Variants in ADH1B observed in about 807,000 individuals in gnomAD.
The protein encoded by ADH1B is alcohol dehydrogenase 1B (class I), beta polypeptide, also known as all-trans-retinol dehydrogenase [NAD(+)] ADH1B.
Under a neutral mutation model 34.6 loss-of-function variants are expected in ADH1B, and 29 were observed. The observed-to-expected ratio is 0.84, with a 90% CI of 0.62 to 1.14. ADH1B has a LOEUF of 1.14. Ranked by LOEUF, ADH1B falls within the 50% of genes most tolerant of loss-of-function variation. The pLI is 0.00. For missense variants in ADH1B, 424 were observed against 468.4 expected (o/e 0.91, Z 0.87); for synonymous variants, 170 against 175.5 (o/e 0.97, Z 0.25).
rs1301497066 is a variant in ADH1B at position 99,318,155 on chromosome 4, A to T, written c.150T>A (p.Asp50Glu). Residue 50 changes from aspartate to glutamate, a missense_variant, in exon 3 of 9, where the codon GAT becomes GAA. Physicochemically the swap from Asp to Glu is conservative, Grantham distance 45 (BLOSUM62 2). Coordinates refer to ENST00000305046, the MANE Select transcript of ADH1B (RefSeq NM_000668.6). Reference protein sequence around the residue: ...KMVAVGICHTDDHVVSGNLVT... With the variant: ...KMVAVGICHTEDHVVSGNLVT... ...CCAGGTTGCCACTAACCACGTGGTCATCTGTGTGACAGATTCCTACAGCCA... is the reference window on the plus strand; with the variant it reads ...CCAGGTTGCCACTAACCACGTGGTCTTCTGTGTGACAGATTCCTACAGCCA... 1.9e-6 allele frequency: 3 copies of T among 1,614,172 alleles called. No individual in the cohort carries two copies. The highest frequency in any genetic ancestry group is 2.7e-5 in the African/African-American group (2 of 75,058).
rs1375666193 is a variant in ADH1B at position 99,305,559 on chromosome 4, G to C, written c.*2281C>G. The C allele has an allele frequency of 2.3e-5, 1 of 43,078 alleles. No individual in the cohort carries two copies. The highest frequency in any genetic ancestry group is 4.0e-5 in the Non-Finnish European group (1 of 25,020). The allele number at this position is 43,078 out of a possible 1,614,324, so 2.7% of individuals were successfully genotyped here. On this transcript the variant is annotated 3_prime_UTR_variant, in exon 9 of 9. Coordinates refer to ENST00000305046, the MANE Select transcript of ADH1B (RefSeq NM_000668.6). ...AACTATATGAACCACTTGCCCCATA[G>C]TGTATATATATATATATATATATAT...
intron 4 of ADH1B, 48 bp downstream of exon 4, chr4:99,316,167 G>A (rs772986488): frequency 6.2e-7 from 1 of 1,614,068 alleles, no homozygotes; most frequent in South Asian, 1.1e-5. Context: ...AGGAGCATAA[G>A]TAATGTGCAA....
Position 99,316,050 on chromosome 4 carries a change from G to A in ADH1B, c.415C>T (p.His139Tyr). Residue 139 changes from histidine (H) to tyrosine (Y), a missense_variant, in exon 5 of 9, where the codon CAC becomes TAC. By Grantham distance (83) the His-to-Tyr change is moderately conservative. Transcript: ENST00000305046. Reference sequence around the variant, plus strand: ...AAGGTGCTGGTGCCAAGGAAGTGGTGAATGGGCTTCCCCCTGCAGGTGAAC... The same window carrying A: ...AAGGTGCTGGTGCCAAGGAAGTGGTAAATGGGCTTCCCCCTGCAGGTGAAC... The part of the protein sequence containing the change: ...RRFTCRGKPI[H>Y]HFLGTSTFSQ... The A allele has an allele frequency of 1.2e-6, 2 of 1,614,198 alleles. No homozygotes were observed. Among genetic ancestry groups the A allele is most frequent in the Non-Finnish European group, 8.5e-7 (1 of 1,180,022 alleles).
In ADH1B at chr4:99,306,641, G is replaced by A. The variant is rs1316538325; in HGVS notation, c.*1199C>T. ...TTTGCATGTCACATTTAGAGATAAAGCTCAAAATGCAAATCCTTCCCCTGA... is the reference window on the plus strand; with the variant it reads ...TTTGCATGTCACATTTAGAGATAAAACTCAAAATGCAAATCCTTCCCCTGA... On this transcript the variant is annotated 3_prime_UTR_variant, in exon 9 of 9. Transcript: ENST00000305046. 1 of 151,528 alleles carries A rather than the reference G, an allele frequency of 6.6e-6. No individual in the cohort carries two copies. The highest frequency in any genetic ancestry group is 2.4e-5 in the African/African-American group (1 of 41,368). The allele number at this position is 151,528 out of a possible 1,614,324, so 9.4% of individuals were successfully genotyped here.
In ADH1B at chr4:99,305,559, GTGTATATATA is replaced by G. The variant is rs1171028170; in HGVS notation, c.*2271_*2280del. ...AACTATATGAACCACTTGCCCCATA[GTGTATATATA>G]TATATATATATATATATATATATAT... On this transcript the variant is annotated 3_prime_UTR_variant, in exon 9 of 9. Transcript: ENST00000305046. The G allele has an allele frequency of 1.1e-3, 47 of 43,102 alleles. 3 individuals carry two copies. Among genetic ancestry groups the G allele is most frequent in the Admixed American group, 1.2e-3 (5 of 4,084 alleles). The allele number at this position is 43,102 out of a possible 1,614,324, so 2.7% of individuals were successfully genotyped here. A position where few individuals can be genotyped will look rare whatever the true frequency, so the allele number is the denominator to read the frequency against.
chr4:99,318,314 A>G, intron 2 of ADH1B, 130 bp from the exon 3 acceptor site: 2 of 1,231,560 alleles, frequency 1.6e-6, no homozygotes, highest in East Asian at 2.4e-5. Context: ...TACTATTCCT[A>G]AATATGAAAG....
At chr4:99,318,461 A>G in intron 2 of ADH1B, 3 of 526,780 alleles carry the variant, frequency 5.7e-6, no homozygotes, top group South Asian at 2.6e-5. Flanking sequence ...CGCTTTAAAA[A>G]ATAGAAGTAG....
chr4:99,318,607 G>C, intron 2 of ADH1B, 178 bp downstream of exon 2: 2 of 645,820 alleles, frequency 3.1e-6, no homozygotes, highest in Non-Finnish European at 5.1e-6. Context: ...TGTACTCTTT[G>C]ATCATTTTTT....
intron 5 of ADH1B, chr4:99,314,288 T>A: frequency 1.3e-6 from 1 of 769,240 alleles, no homozygotes; most frequent in Non-Finnish European, 2.0e-6. Flanking sequence ...TGATGCATAT[T>A]AGATTCATCT....
At chr4:99,312,349 G>A (rs1733775431) in intron 6 of ADH1B, among the ~76,000 whole-genome samples, 1 of 152,150 alleles carries the variant, frequency 6.6e-6, no homozygotes, top group South Asian at 2.1e-4. Flanking sequence ...ATATAGAAAA[G>A]GAGCATAAAG....
chr4:99,310,079 G>T (rs186729823), intron 8 of ADH1B, among the ~76,000 whole-genome samples: 166 of 152,276 alleles, frequency 1.1e-3, no homozygotes, highest in African/African-American at 3.8e-3. Flanking sequence ...TGTGCCTCAT[G>T]TAAATGCAGG....
In ADH1B at chr4:99,308,636, A is replaced by G. The variant is rs534277259; in HGVS notation, c.1104-772T>C. ...ATAAACCAACTTCTCATGAATACAT[A>G]TTTTTAGAAAATGATGGTCTTTGTG... On this transcript the variant is annotated intron_variant, in intron 8 of 8. Transcript: ENST00000305046. Among the ~76,000 whole-genome samples, 4 of 152,162 alleles carry G rather than the reference A, an allele frequency of 2.6e-5. No individual in the cohort carries two copies. In the East Asian group the frequency reaches 5.8e-4, roughly 22 times the overall value.
chr4:99,318,471 G>A, intron 2 of ADH1B: 1 of 515,234 alleles, frequency 1.9e-6, no homozygotes, highest in Admixed American at 3.9e-5. Context: ...AATAGAAGTA[G>A]AAATAGCAAA....
chr4:99,315,721 G>A (rs1733863916), intron 5 of ADH1B, 177 bp downstream of exon 5: 1 of 729,644 alleles, frequency 1.4e-6, no homozygotes, highest in Non-Finnish European at 2.2e-6. Context: ...CTTTTTATCT[G>A]CAATAAATTG....
rs746592373 is a variant in ADH1B, at chr4:99,307,874, G to T, written c.1104-10C>A. The T allele has an allele frequency of 1.3e-5, 21 of 1,613,854 alleles. No homozygotes were observed. Among genetic ancestry groups the T allele is most frequent in the Non-Finnish European group, 3.4e-6 (4 of 1,179,906 alleles). On this transcript the variant is annotated splice_polypyrimidine_tract_variant and intron_variant, in intron 8 of 8. Coordinates refer to ENST00000305046, the MANE Select transcript of ADH1B (RefSeq NM_000668.6). Reference sequence around the variant, plus strand: ...CAGGACGGTACGGATACTGCAATAGGAAAGAAGAGACATTGTGTTAACATT... The same window carrying T: ...CAGGACGGTACGGATACTGCAATAGTAAAGAAGAGACATTGTGTTAACATT...
intron 5 of ADH1B, chr4:99,315,480 T>G: frequency 3.8e-6 from 1 of 264,810 alleles, no homozygotes; most frequent in Non-Finnish European, 7.3e-6. Flanking sequence ...GTTGATCCTA[T>G]TTCTGGGAGG....
intron 5 of ADH1B, chr4:99,315,076 A>G (rs936991200): frequency 6.6e-6 from 1 of 152,246 alleles, no homozygotes; most frequent in African/African-American, 2.4e-5. Flanking sequence ...CTGTGATTTA[A>G]AAACACTAAT....
At chr4:99,316,175 C>A (rs201292240) in intron 4 of ADH1B, 40 bp downstream of exon 4, 15 of 1,613,910 alleles carry the variant, frequency 9.3e-6, no homozygotes, top group Non-Finnish European at 1.3e-5. Flanking sequence ...AAGTAATGTG[C>A]AAACTCAAAG....
Position 99,316,205 on chromosome 4 carries a change from A to G in ADH1B, c.347+10T>C, listed in dbSNP as rs1200289419. The G allele has an allele frequency of 4.3e-6, 7 of 1,614,210 alleles. No homozygotes were observed. The highest frequency in any genetic ancestry group is 5.9e-6 in the Non-Finnish European group (7 of 1,180,008). The stretch of plus-strand genomic sequence containing the variant: ...TCAAAGTCTGTGCAAAGAGAGCATC[A>G]GAAACCTACTCATTTTTCAAGCAGT... On this transcript the variant is annotated intron_variant, in intron 4 of 8. Transcript: ENST00000305046.
Sources: gnomAD v4.1 joint callset for allele counts (sites outside exome capture counted in the v4.1 genomes callset) on GRCh38, gnomAD v4.1.1 for gene constraint, MANE v1.5 for transcripts, NCBI Gene and HGNC (gene_info 2026-07-23, HGNC 2026-07-21) for gene names.